MEF2A: variants seen among roughly 807,000 people sequenced by gnomAD.
MEF2A encodes myocyte enhancer factor 2A.
In MEF2A, 28 loss-of-function variants were observed where a neutral mutation model predicts 55.8. That is an observed-to-expected ratio of 0.50 (90% CI 0.37 to 0.69). MEF2A has a LOEUF of 0.69. Ranked by LOEUF, MEF2A falls within the 30% of genes least tolerant of loss-of-function variation. The pLI is 0.00. For missense variants in MEF2A, 528 were observed against 626.2 expected, an observed-to-expected ratio of 0.84 and a Z score of 1.67; for synonymous variants, 239 against 227.1, an observed-to-expected ratio of 1.05 and a Z score of -0.47.
rs1218164781 is a variant in MEF2A at position 99,631,775 on chromosome 15, G to T, written c.-142-1203G>T. On this transcript the variant is annotated intron_variant, in intron 2 of 11. Coordinates refer to ENST00000557942, the MANE Select transcript of MEF2A (RefSeq NM_001319206.4). ...ATGATCAACTACTGTTTGTATCAAT[G>T]AAGAAATAAAATAATGAGGGAAGAT... Among the ~76,000 whole-genome samples, 5 of 152,042 alleles carry T rather than the reference G, an allele frequency of 3.3e-5. No homozygotes were observed. In the East Asian group the frequency reaches 7.7e-4, roughly 23 times the overall value.
At chr15:99,642,726 A>T (rs917617808) in intron 3 of MEF2A, among the ~76,000 whole-genome samples, 2 of 152,142 alleles carry the variant, frequency 1.3e-5, no homozygotes, top group African/African-American at 4.8e-5. Flanking sequence ...CACTTATTTC[A>T]TGGGCTTCTG....
intron 3 of MEF2A, among the ~76,000 whole-genome samples, chr15:99,634,589 A>G (rs1054924524): frequency 1.3e-5 from 2 of 152,210 alleles, no homozygotes; most frequent in African/African-American, 4.8e-5. Flanking sequence ...ATTATTCCAT[A>G]GATAGTCGTG....
At chr15:99,656,997 G>A (rs1183211394) in intron 4 of MEF2A, among the ~76,000 whole-genome samples, 2 of 151,950 alleles carry the variant, frequency 1.3e-5, no homozygotes, top group Non-Finnish European at 2.9e-5. Flanking sequence ...AACCACTAAT[G>A]TACTTTCTGT....
At chr15:99,658,697 G>A (rs1457709804) in intron 4 of MEF2A, among the ~76,000 whole-genome samples, 1 of 152,082 alleles carries the variant, frequency 6.6e-6, no homozygotes, top group African/African-American at 2.4e-5. Context: ...CCTCAAAAGA[G>A]TGCTATTTCC....
chr15:99,647,302 TTCTTA>T (rs964915567), intron 4 of MEF2A, among the ~76,000 whole-genome samples: 3 of 152,156 alleles, frequency 2.0e-5, no homozygotes, highest in Admixed American at 1.3e-4. Context: ...TTAAAATAGC[TTCTTA>T]TCTTATAAAT....
intron 8 of MEF2A, among the ~76,000 whole-genome samples, chr15:99,698,909 CTTATGAAT>C (rs1446270364): frequency 6.6e-6 from 1 of 151,944 alleles, no homozygotes. Context: ...TTGGTCAGTT[CTTATGAAT>C]TTAAATATAC....
At chr15:99,601,324 CTG>C (rs1308000704) in intron 2 of MEF2A, among the ~76,000 whole-genome samples, 1 of 151,866 alleles carries the variant, frequency 6.6e-6, no homozygotes, top group African/African-American at 2.4e-5. Context: ...ATTATCTTCT[CTG>C]TGAATAAAGA....
At chr15:99,637,018 A>C (rs2043993499) in intron 3 of MEF2A, among the ~76,000 whole-genome samples, 1 of 152,046 alleles carries the variant, frequency 6.6e-6, no homozygotes, top group Non-Finnish European at 1.5e-5. Flanking sequence ...ACTGTTTCTA[A>C]ATTCTCTGTT....
At chr15:99,662,277 T>G (rs1173807566) in intron 4 of MEF2A, among the ~76,000 whole-genome samples, 1 of 152,192 alleles carries the variant, frequency 6.6e-6, no homozygotes, top group African/African-American at 2.4e-5. Context: ...GAATTTTATA[T>G]AAACTTGTAC....
At chr15:99,655,998 T>C (rs1275806825) in intron 4 of MEF2A, among the ~76,000 whole-genome samples, 1 of 152,106 alleles carries the variant, frequency 6.6e-6, no homozygotes, top group Non-Finnish European at 1.5e-5. Context: ...TTTTTCACAG[T>C]GCTCAGTAAA....
At chr15:99,671,217 C>G (rs2050801909) in intron 4 of MEF2A, 106 bp from the exon 5 acceptor site, 4 of 1,241,954 alleles carry the variant, frequency 3.2e-6, no homozygotes, top group African/African-American at 3.0e-5. Flanking sequence ...TTCAGTGGCT[C>G]TTGTATAATT....
intron 7 of MEF2A, among the ~76,000 whole-genome samples, chr15:99,684,506 A>G (rs929440231): frequency 6.6e-6 from 1 of 152,156 alleles, no homozygotes; most frequent in Admixed American, 6.5e-5. Flanking sequence ...CAATTTGTGT[A>G]TCTGCTTTTG....
At chr15:99,659,184 A>G (rs1230268689) in intron 4 of MEF2A, among the ~76,000 whole-genome samples, 1 of 152,046 alleles carries the variant, frequency 6.6e-6, no homozygotes, top group African/African-American at 2.4e-5. Flanking sequence ...GAACAGAGTT[A>G]CATTCTTTCT....
At chr15:99,644,482 G>C (rs1304575716) in intron 3 of MEF2A, among the ~76,000 whole-genome samples, 1 of 152,144 alleles carries the variant, frequency 6.6e-6, no homozygotes. Context: ...AAAATTTCTA[G>C]TGGTAGTAAT....
chr15:99,614,320 G>A (rs1008765531), intron 2 of MEF2A, among the ~76,000 whole-genome samples: 3 of 152,092 alleles, frequency 2.0e-5, no homozygotes, highest in Admixed American at 1.3e-4. Context: ...GAACTTCTGA[G>A]CTCAAGTGAT....
intron 8 of MEF2A, among the ~76,000 whole-genome samples, chr15:99,692,824 G>C (rs1308603911): frequency 6.6e-6 from 1 of 152,096 alleles, no homozygotes; most frequent in Admixed American, 6.5e-5. Flanking sequence ...CTGAGAAGAC[G>C]AACAACAAAC....
chr15:99,628,268 T>C (rs146336008), intron 2 of MEF2A, among the ~76,000 whole-genome samples: 35 of 152,300 alleles, frequency 2.3e-4, no homozygotes, highest in South Asian at 1.7e-3. Flanking sequence ...CACACAACTT[T>C]CTTTTGGTTT....
At chr15:99,578,147 A>G (rs1964883514) in intron 1 of MEF2A, among the ~76,000 whole-genome samples, 1 of 152,166 alleles carries the variant, frequency 6.6e-6, no homozygotes, top group Non-Finnish European at 1.5e-5. Context: ...GCTGGAACTT[A>G]TCTGTGATAC....
chr15:99,602,709 G>T (rs1435906420), intron 2 of MEF2A, among the ~76,000 whole-genome samples: 2 of 59,466 alleles, frequency 3.4e-5, no homozygotes, highest in Non-Finnish European at 7.4e-5. Flanking sequence ...TAGGGGTGGG[G>T]AGCTTTTTGT....
Sources: allele counts gnomAD v4.1 joint callset (sites outside exome capture counted in the v4.1 genomes callset), GRCh38; gene constraint gnomAD v4.1.1; transcripts MANE v1.5; gene names NCBI Gene and HGNC (gene_info 2026-07-23, HGNC 2026-07-21).